The following TMEM178B variants were observed in gnomAD, a reference collection of about 807,000 sequenced individuals.
The protein encoded by TMEM178B is transmembrane protein 178B.
In TMEM178B, 5 loss-of-function variants were observed where a neutral mutation model predicts 31.0. That is an observed-to-expected ratio of 0.16 (90% CI 0.08 to 0.34). The LOEUF is 0.34. Among genes scored for constraint, TMEM178B ranks in the 10% least tolerant of loss-of-function variants. TMEM178B has a pLI of 1.00. For synonymous variants in TMEM178B, 164 were observed against 164.0 expected (o/e 1.00, Z 0.00); for missense variants, 275 against 400.3 (o/e 0.69, Z 2.67).
chr7:141,183,888 C>T (rs1462377182), intron 1 of TMEM178B, among the ~76,000 whole-genome samples: 1 of 152,190 alleles, frequency 6.6e-6, no homozygotes, highest in African/African-American at 2.4e-5. Context: ...GGCATGCGGC[C>T]TCCTTGGTGT....
At chr7:141,357,483 G>A (rs1799841147) in intron 2 of TMEM178B, among the ~76,000 whole-genome samples, 1 of 152,202 alleles carries the variant, frequency 6.6e-6, no homozygotes, top group African/African-American at 2.4e-5. Flanking sequence ...GTCATAGCAG[G>A]AGCACTAGCC....
rs1799569997 is a variant in TMEM178B, at chr7:141,344,295, TG to T, written c.497-93311del. On this transcript the variant is annotated intron_variant, in intron 2 of 3. Coordinates refer to ENST00000565468, the MANE Select transcript of TMEM178B (RefSeq NM_001195278.2). This position sits in a 1 kb window ranked among gnomAD's most constrained non-coding sequence, Gnocchi z 4.1. ...GTGAGGATTAGAGTGATTGAGTAAC[TG>T]GTCCTTAGCCACAGAGTTCAAGATG... 6.6e-6 allele frequency among the ~76,000 whole-genome samples: 1 copy of T among 152,178 alleles called. No homozygotes were observed. Among genetic ancestry groups the T allele is most frequent in the African/African-American group, 2.4e-5 (1 of 41,442 alleles).
At chr7:141,180,898 T>G (rs1251123704) in intron 1 of TMEM178B, among the ~76,000 whole-genome samples, 1 of 152,208 alleles carries the variant, frequency 6.6e-6, no homozygotes, top group African/African-American at 2.4e-5. Flanking sequence ...TTGTGCCCTG[T>G]CCTCTGTTGT....
downstream of TMEM178B, among the ~76,000 whole-genome samples, chr7:141,481,830 T>A (rs543676596): frequency 1.8e-4 from 28 of 152,298 alleles, no homozygotes; most frequent in African/African-American, 6.7e-4. Flanking sequence ...AGCAAGACTT[T>A]CCACCCTTGC....
At chr7:141,175,321 A>G (rs1194234179) in intron 1 of TMEM178B, among the ~76,000 whole-genome samples, 1 of 152,062 alleles carries the variant, frequency 6.6e-6, no homozygotes, top group Admixed American at 6.6e-5. Flanking sequence ...ATTGGTCTAT[A>G]TATCTGTTTT....
intron 2 of TMEM178B, among the ~76,000 whole-genome samples, chr7:141,293,300 C>A (rs1798578770): frequency 6.6e-6 from 1 of 152,190 alleles, no homozygotes; most frequent in African/African-American, 2.4e-5. Context: ...TCCAGGTAGT[C>A]ACCTGTTTCC....
chr7:141,223,181 G>C (rs1234255165), intron 2 of TMEM178B, among the ~76,000 whole-genome samples: 1 of 152,164 alleles, frequency 6.6e-6, no homozygotes, highest in Non-Finnish European at 1.5e-5. Context: ...GATGCTGCAA[G>C]AATGTTGGAC....
At chr7:141,434,211 C>T (rs948021744) in intron 2 of TMEM178B, among the ~76,000 whole-genome samples, 7 of 152,202 alleles carry the variant, frequency 4.6e-5, no homozygotes, top group African/African-American at 9.7e-5. Context: ...CTTTCCCATC[C>T]GTGGCCAAGG....
intron 2 of TMEM178B, among the ~76,000 whole-genome samples, chr7:141,350,144 A>G (rs568632637): frequency 2.0e-5 from 3 of 152,168 alleles, no homozygotes; most frequent in Non-Finnish European, 4.4e-5. Context: ...TCCAGATGTC[A>G]CAATGAACCG....
At chr7:141,425,561 C>T (rs1801297403) in intron 2 of TMEM178B, among the ~76,000 whole-genome samples, 1 of 152,166 alleles carries the variant, frequency 6.6e-6, no homozygotes, top group Non-Finnish European at 1.5e-5. Context: ...TTCCCTTCTG[C>T]ATTTTCTGCT....
intron 2 of TMEM178B, among the ~76,000 whole-genome samples, chr7:141,319,712 GT>G (rs1354901523): frequency 6.6e-6 from 1 of 151,916 alleles, no homozygotes; most frequent in Non-Finnish European, 1.5e-5. Flanking sequence ...TAATTTTGGT[GT>G]TTTTAGTAGA....
intron 1 of TMEM178B, among the ~76,000 whole-genome samples, chr7:141,184,657 T>G (rs960173501): frequency 2.0e-5 from 3 of 152,202 alleles, no homozygotes; most frequent in Non-Finnish European, 4.4e-5. Flanking sequence ...TTTGTTAAAC[T>G]TCTCTTCTCT....
intron 2 of TMEM178B, among the ~76,000 whole-genome samples, chr7:141,327,462 G>A (rs1799213144): frequency 1.3e-5 from 2 of 152,120 alleles, no homozygotes; most frequent in Admixed American, 1.3e-4. Flanking sequence ...TATAATAGAT[G>A]AGCCTACATT....
In TMEM178B at chr7:141,470,754, A is replaced by G; in HGVS notation, c.853A>G (p.Lys285Glu). ...VQPVPRTNYP[K>E]SRPENGTVC ...ACCTGTCCCGAGGACCAACTACCCT[A>G]AATCCAGACCCGAGAATGGGACAGT... The change falls in exon 4 of 4, where the codon AAA (lysine) becomes GAA (glutamate). Residue 285 changes from lysine to glutamate, a missense_variant. Physicochemically the swap from Lys to Glu is moderately conservative, Grantham distance 56 (BLOSUM62 1). Coordinates refer to ENST00000565468, the MANE Select transcript of TMEM178B (RefSeq NM_001195278.2). 1 of 1,528,688 alleles carries G rather than the reference A, an allele frequency of 6.5e-7. No homozygotes were observed. The highest frequency in any genetic ancestry group is 2.5e-5 in the East Asian group (1 of 40,588). The allele number at this position is 1,528,688 out of a possible 1,614,324, so 94.7% of individuals were successfully genotyped here. A position where few individuals can be genotyped will look rare whatever the true frequency, so the allele number is the denominator to read the frequency against.
chr7:141,295,286 A>C (rs1369239226), intron 2 of TMEM178B, among the ~76,000 whole-genome samples: 1 of 152,146 alleles, frequency 6.6e-6, no homozygotes, highest in Admixed American at 6.5e-5. Flanking sequence ...TGGTTAAGTG[A>C]ATTGAATTTA....
At position 141,478,321 on chromosome 7, in the gene TMEM178B, A is replaced by G. The variant is rs1239744523; in HGVS notation, c.*7535A>G. 1 of 152,252 alleles carries G rather than the reference A, an allele frequency of 6.6e-6. No individual in the cohort carries two copies. Among genetic ancestry groups the G allele is most frequent in the African/African-American group, 2.4e-5 (1 of 41,452 alleles). 9.4% of individuals were successfully genotyped at this position (152,252 alleles called of 1,614,324 possible). ...CAGGGATTAGGTAAATCTGCAGCAT[A>G]AACAGCTGTCTCCCTGCAGGACTGA... is the stretch of plus-strand genomic sequence containing the variant. On this transcript the variant is annotated 3_prime_UTR_variant, in exon 4 of 4. Coordinates refer to ENST00000565468, the MANE Select transcript of TMEM178B (RefSeq NM_001195278.2).
At chr7:141,387,901 C>CT (rs904825868) in intron 2 of TMEM178B, among the ~76,000 whole-genome samples, 19 of 152,268 alleles carry the variant, frequency 1.2e-4, no homozygotes, top group Middle Eastern at 3.4e-3. Context: ...GTCGGCCACT[C>CT]CCCCTTTCCC....
At chr7:141,334,198 A>T (rs1194184901) in intron 2 of TMEM178B, among the ~76,000 whole-genome samples, 1 of 152,164 alleles carries the variant, frequency 6.6e-6, no homozygotes, top group African/African-American at 2.4e-5. Flanking sequence ...CTTGCTCAGG[A>T]TGGGCTTGAG....
chr7:141,245,249 C>T (rs1185980509), intron 2 of TMEM178B, among the ~76,000 whole-genome samples: 2 of 100,102 alleles, frequency 2.0e-5, no homozygotes, highest in Non-Finnish European at 3.8e-5. Flanking sequence ...AGCCAAGAAA[C>T]ATCATGTTAA....
Sources: gnomAD v4.1 joint callset for allele counts (sites outside exome capture counted in the v4.1 genomes callset) on GRCh38, gnomAD v4.1.1 for gene constraint, Gnocchi (gnomAD v3.1) non-coding constraint, MANE v1.5 for transcripts, NCBI Gene and HGNC (gene_info 2026-07-23, HGNC 2026-07-21) for gene names.